Variants in IKZF1 observed in about 807,000 individuals in gnomAD.
The protein encoded by IKZF1 is DNA-binding protein Ikaros.
IKZF1 carries 10 observed loss-of-function variants against 51.7 expected under a neutral mutation model. The observed-to-expected ratio is 0.19, with a 90% CI of 0.12 to 0.33. The LOEUF is 0.33. Among genes scored for constraint, IKZF1 ranks in the 10% least tolerant of loss-of-function variants. IKZF1 has a pLI of 1.00. For synonymous variants in IKZF1, 280 were observed against 282.3 expected, an observed-to-expected ratio of 0.99 and a Z score of 0.08; for missense variants, 484 against 707.5, an observed-to-expected ratio of 0.68 and a Z score of 3.58.
upstream of IKZF1, chr7:50,304,092 G>T (rs1788191021): frequency 6.9e-6 from 1 of 145,686 alleles, no homozygotes; most frequent in African/African-American, 2.5e-5. Context: ...CGAGCGGGCT[G>T]CAGCCGGCGG....
At chr7:50,391,985 G>A in intron 7 of IKZF1, 122 bp downstream of exon 7, 1 of 1,353,078 alleles carries the variant, frequency 7.4e-7, no homozygotes, top group Non-Finnish European at 9.8e-7. Flanking sequence ...AGGAAAAATT[G>A]GTAAGCTTAA....
intron 3 of IKZF1, chr7:50,367,768 A>C (rs1004618055): frequency 2.1e-6 from 1 of 485,422 alleles, no homozygotes; most frequent in African/African-American, 1.9e-5. Context: ...AATTGCTCCA[A>C]ACCACTTTAT....
chr7:50,339,825 G>T (rs1584598659), intron 3 of IKZF1, among the ~76,000 whole-genome samples: 1 of 152,038 alleles, frequency 6.6e-6, no homozygotes, highest in African/African-American at 2.4e-5. Flanking sequence ...TGTTATTTGG[G>T]GCTGAATGAT....
At chr7:50,358,360 G>A (rs1804140233) in intron 3 of IKZF1, among the ~76,000 whole-genome samples, 3 of 152,232 alleles carry the variant, frequency 2.0e-5, no homozygotes, top group African/African-American at 7.2e-5. Flanking sequence ...TGACAGAAGT[G>A]CCAGGAAGCC....
chr7:50,338,609 A>G (rs1798339168), intron 3 of IKZF1, among the ~76,000 whole-genome samples: 1 of 152,248 alleles, frequency 6.6e-6, no homozygotes, highest in Non-Finnish European at 1.5e-5. Flanking sequence ...TATAACCCAG[A>G]AAAAACAGCT....
At chr7:50,367,843 C>A (rs961463045) in intron 3 of IKZF1, 3 of 592,422 alleles carry the variant, frequency 5.1e-6, no homozygotes, top group Non-Finnish European at 9.0e-6. Context: ...AATTACTTTT[C>A]TGTTGCCTAT....
intron 3 of IKZF1, 166 bp downstream of exon 3, chr7:50,327,923 G>T: frequency 1.3e-6 from 1 of 786,844 alleles, no homozygotes; most frequent in Non-Finnish European, 2.0e-6. Context: ...CCTCTGGTGT[G>T]TGGGAGGATG....
rs1285886260 is a variant in IKZF1 at position 50,376,854 on chromosome 7, G to A, written c.421+61G>A. The A allele has an allele frequency of 6.3e-7, 1 of 1,587,736 alleles. No homozygotes were observed. The highest frequency in any genetic ancestry group is 1.4e-5 in the African/African-American group (1 of 74,060). The stretch of plus-strand genomic sequence containing the variant: ...GAGAAGGTGCATGGGGTTTGAAGGA[G>A]GAAAGCATCCTGTCTTCCTTGTGTT... On this transcript the variant is annotated intron_variant, in intron 4 of 7. Transcript: ENST00000331340. The surrounding 1 kb of genome is among the most constrained non-coding windows in gnomAD (Gnocchi z 4.5).
intron 7 of IKZF1, among the ~76,000 whole-genome samples, chr7:50,396,373 A>T (rs1026955471): frequency 6.6e-6 from 1 of 152,052 alleles, no homozygotes; most frequent in Non-Finnish European, 1.5e-5. Context: ...TTTTATAATA[A>T]TATTATTTTG....
chr7:50,348,750 G>A (rs1322424922), intron 3 of IKZF1, among the ~76,000 whole-genome samples: 2 of 152,172 alleles, frequency 1.3e-5, no homozygotes, highest in African/African-American at 2.4e-5. Context: ...CTCAACAAGC[G>A]ATTTGTTATT....
intron 1 of IKZF1, among the ~76,000 whole-genome samples, chr7:50,316,609 G>A (rs774070331): frequency 1.3e-5 from 2 of 152,262 alleles, no homozygotes; most frequent in Non-Finnish European, 2.9e-5. Flanking sequence ...GCAAATGACT[G>A]CAAAAGTAAG....
intron 7 of IKZF1, among the ~76,000 whole-genome samples, chr7:50,398,491 A>G (rs1345867986): frequency 6.6e-6 from 1 of 151,238 alleles, no homozygotes; most frequent in African/African-American, 2.4e-5. Flanking sequence ...CTCCTTATCA[A>G]CCCTCCTTAT....
rs1818531282 is a variant in IKZF1, at chr7:50,403,773, T to A, written c.*3146T>A. On this transcript the variant is annotated 3_prime_UTR_variant, in exon 8 of 8. Transcript: ENST00000331340. ...TTCCTTGAGAAAGAGCTGCCTGAGATGTAGTTTTGTTATATGGTTCCCCAC... is the reference window on the plus strand; with the variant it reads ...TTCCTTGAGAAAGAGCTGCCTGAGAAGTAGTTTTGTTATATGGTTCCCCAC... The A allele has an allele frequency of 4.4e-6, 1 of 227,600 alleles. No individual in the cohort carries two copies. Among genetic ancestry groups the A allele is most frequent in the African/African-American group, 2.2e-5 (1 of 45,114 alleles). 14.1% of individuals were successfully genotyped at this position (227,600 alleles called of 1,614,324 possible).
At position 50,367,776 on chromosome 7, in the gene IKZF1, T is replaced by C. The variant is rs1015212852; in HGVS notation, c.161-8757T>C. 4.1e-5 allele frequency: 21 copies of C among 509,264 alleles called. No homozygotes were observed. The East Asian group carries it at 5.8e-4, about 14-fold the overall frequency. 31.5% of individuals were successfully genotyped at this position (509,264 alleles called of 1,614,324 possible). ...CATCAGTAATTGCTCCAAACCACTT[T>C]ATGGGATATAATGCTGTGAGTTGAC... On this transcript the variant is annotated intron_variant, in intron 3 of 7. Coordinates refer to ENST00000331340, the MANE Select transcript of IKZF1 (RefSeq NM_006060.6).
intron 2 of IKZF1, among the ~76,000 whole-genome samples, chr7:50,325,647 T>C (rs1209820092): frequency 6.6e-6 from 1 of 151,916 alleles, no homozygotes; most frequent in Non-Finnish European, 1.5e-5. Context: ...TGGTGGGGGA[T>C]ACCTGTGGTC....
intron 2 of IKZF1, 55 bp from the exon 3 acceptor site, chr7:50,327,583 G>A: frequency 6.6e-7 from 1 of 1,526,308 alleles, no homozygotes. Flanking sequence ...GCCGGGGGAA[G>A]CCCAGGCACC....
intron 3 of IKZF1, among the ~76,000 whole-genome samples, chr7:50,339,408 A>C (rs1048941450): frequency 6.6e-6 from 1 of 152,162 alleles, no homozygotes; most frequent in African/African-American, 2.4e-5. Flanking sequence ...TCCATATTCT[A>C]AACAAAACAC....
intron 3 of IKZF1, among the ~76,000 whole-genome samples, chr7:50,356,467 TGA>T (rs1373870716): frequency 6.6e-6 from 1 of 152,178 alleles, no homozygotes; most frequent in African/African-American, 2.4e-5. Flanking sequence ...TGTGAATTTG[TGA>T]GAGTGTGTGA....
chr7:50,365,354 T>C (rs1440921340), intron 3 of IKZF1, among the ~76,000 whole-genome samples: 1 of 152,222 alleles, frequency 6.6e-6, no homozygotes, highest in Non-Finnish European at 1.5e-5. Flanking sequence ...AACAAACTAA[T>C]AGGTACAGCT....
Sources: gnomAD v4.1 joint callset for allele counts (sites outside exome capture counted in the v4.1 genomes callset) on GRCh38, gnomAD v4.1.1 for gene constraint, Gnocchi (gnomAD v3.1) non-coding constraint, MANE v1.5 for transcripts, NCBI Gene and HGNC (gene_info 2026-07-23, HGNC 2026-07-21) for gene names.